ZNF383: variants seen among roughly 807,000 people sequenced by gnomAD.
ZNF383 encodes the protein zinc finger protein 383.
ZNF383 carries 32 observed loss-of-function variants against 44.2 expected under a neutral mutation model. The ratio of observed to expected loss-of-function variants is 0.72; its 90% CI spans 0.55 to 0.97. The LOEUF is 0.97. Among genes scored for constraint, ZNF383 ranks in the 50% least tolerant of loss-of-function variants. The pLI is 0.00. For missense variants in ZNF383, 487 were observed against 562.5 expected (o/e 0.87, Z 1.36); for synonymous variants, 155 against 186.2 (o/e 0.83, Z 1.36).
At chr19:37,241,341 A>T (rs1202378218) in intron 5 of ZNF383, among the ~76,000 whole-genome samples, 1 of 152,186 alleles carries the variant, frequency 6.6e-6, no homozygotes, top group African/African-American at 2.4e-5. Flanking sequence ...TCTCAGGTTC[A>T]ATAATTTGTT....
At chr19:37,229,979 A>C (rs186831371) in intron 2 of ZNF383, among the ~76,000 whole-genome samples, 2 of 151,668 alleles carry the variant, frequency 1.3e-5, no homozygotes, top group Admixed American at 6.6e-5. Flanking sequence ...ATCTGAGTGC[A>C]CTGTGTTCCT....
chr19:37,237,745 G>C (rs1459767899), intron 5 of ZNF383, among the ~76,000 whole-genome samples: 1 of 152,122 alleles, frequency 6.6e-6, no homozygotes, highest in Non-Finnish European at 1.5e-5. Flanking sequence ...GAAGGCAGTA[G>C]GGCAAGAGAG....
At chr19:37,223,172 T>A (rs1599780183) in intron 1 of ZNF383, among the ~76,000 whole-genome samples, 1 of 152,206 alleles carries the variant, frequency 6.6e-6, no homozygotes, top group East Asian at 1.9e-4. Context: ...AATAAAGCTA[T>A]ATGGTATTTG....
chr19:37,234,655 G>C (rs1973687795), intron 3 of ZNF383, among the ~76,000 whole-genome samples: 1 of 152,112 alleles, frequency 6.6e-6, no homozygotes, highest in African/African-American at 2.4e-5. Flanking sequence ...CTCCCAAAAT[G>C]CTGGGATTAC....
At chr19:37,231,194 A>G (rs887861667) in intron 3 of ZNF383, among the ~76,000 whole-genome samples, 1 of 152,192 alleles carries the variant, frequency 6.6e-6, no homozygotes, top group South Asian at 2.1e-4. Flanking sequence ...TAATATCTGT[A>G]TTGTAGAAAA....
At position 37,235,626 on chromosome 19, in the gene ZNF383, C is replaced by CT; in HGVS notation, c.89dup (p.Leu30PhefsTer22). 6.2e-7 allele frequency: 1 copy of CT among 1,613,792 alleles called. No individual in the cohort carries two copies. The highest frequency in any genetic ancestry group is 1.7e-4 in the Middle Eastern group (1 of 6,060). On this transcript the variant is annotated frameshift_variant, in exon 4 of 6. Coordinates refer to ENST00000684119, the MANE Select transcript of ZNF383 (RefSeq NM_001387601.1). LOFTEE classifies it high-confidence loss of function. ...ACTGCCTGGACCCTGTTCAGAGGGACTTATACAGAGATGTGATGTTGGAGA... is the reference window on the plus strand; with the variant it reads ...ACTGCCTGGACCCTGTTCAGAGGGACTTTATACAGAGATGTGATGTTGGAGA...
chr19:37,241,968 C>A (rs1974105693), intron 5 of ZNF383, among the ~76,000 whole-genome samples: 1 of 138,766 alleles, frequency 7.2e-6, no homozygotes, highest in East Asian at 2.1e-4. Flanking sequence ...TATATATATA[C>A]TATATAGTAT....
chr19:37,232,130 C>A (rs1345598166), intron 3 of ZNF383, among the ~76,000 whole-genome samples: 1 of 150,750 alleles, frequency 6.6e-6, no homozygotes, highest in South Asian at 2.1e-4. Context: ...GGCTAGAGTG[C>A]AGTGGCACGA....
chr19:37,235,401 C>T, intron 3 of ZNF383, 148 bp from the exon 4 acceptor site: 1 of 755,802 alleles, frequency 1.3e-6, no homozygotes, highest in South Asian at 1.9e-5. Flanking sequence ...AAACTTCCTA[C>T]TCTTGCATCT....
At chr19:37,222,406 C>T (rs1187533109) in intron 1 of ZNF383, among the ~76,000 whole-genome samples, 4 of 151,862 alleles carry the variant, frequency 2.6e-5, no homozygotes, top group Non-Finnish European at 4.4e-5. Flanking sequence ...GAGACAGTTT[C>T]GCTCTTGTTG....
intron 2 of ZNF383, among the ~76,000 whole-genome samples, chr19:37,230,092 G>A (rs1008164728): frequency 2.0e-5 from 3 of 151,912 alleles, no homozygotes; most frequent in Non-Finnish European, 4.4e-5. Context: ...TTAGCTCAGG[G>A]CAGACCATAA....
intron 1 of ZNF383, among the ~76,000 whole-genome samples, chr19:37,223,504 C>G (rs1195890635): frequency 6.6e-6 from 1 of 151,630 alleles, no homozygotes; most frequent in Non-Finnish European, 1.5e-5. Flanking sequence ...TTTAGGCCAC[C>G]CTGGGCAATA....
intron 4 of ZNF383, 98 bp from the exon 5 acceptor site, chr19:37,235,881 G>T: frequency 8.0e-7 from 1 of 1,244,420 alleles, no homozygotes; most frequent in Non-Finnish European, 1.1e-6. Context: ...ATCTTTCTTT[G>T]GCTGTTCCTG....
chr19:37,237,315 A>G (rs538644340), intron 5 of ZNF383, among the ~76,000 whole-genome samples: 1 of 152,296 alleles, frequency 6.6e-6, no homozygotes, highest in East Asian at 1.9e-4. Context: ...CTATTGAAGT[A>G]GTAGGTGGAG....
chr19:37,235,574 C>T lies in ZNF383; in HGVS notation c.35C>T (p.Ser12Phe), dbSNP rs751222903. Reference protein sequence around the residue: ...AEGSVMFSDVSIDFSQEEWDC... With the variant: ...AEGSVMFSDVFIDFSQEEWDC... ...GGATCAGTGATGTTCAGTGATGTGT[C>T]CATAGACTTCTCTCAGGAGGAGTGG... The change falls in exon 4 of 6, where the codon TCC (serine) becomes TTC (phenylalanine). Residue 12 changes from serine (S) to phenylalanine (F), a missense_variant. Transcript: ENST00000684119. 22 of 1,613,844 alleles carry T rather than the reference C, an allele frequency of 1.4e-5. No individual in the cohort carries two copies. In the South Asian group the frequency reaches 2.3e-4, roughly 17 times the overall value.
chr19:37,242,040 A>ACTAT (rs1974115730), intron 5 of ZNF383, among the ~76,000 whole-genome samples: 1 of 2,216 alleles, frequency 4.5e-4, no homozygotes, highest in African/African-American at 1.8e-3. Context: ...TACTATATAT[A>ACTAT]GTATAGATAC....
At position 37,220,597 on chromosome 19, in the gene ZNF383, G is replaced by A. The variant is rs968732232; in HGVS notation, c.-168+2323G>A. 7.5e-5 allele frequency among the ~76,000 whole-genome samples: 11 copies of A among 146,418 alleles called. No individual in the cohort carries two copies. The East Asian group carries it at 1.6e-3, about 21-fold the overall frequency. On this transcript the variant is annotated intron_variant, in intron 1 of 5. Coordinates refer to ENST00000684119, the MANE Select transcript of ZNF383 (RefSeq NM_001387601.1). ...TTGTTGTTTAATCCCTTTATATTAC[G>A]TAATACAGAAAAATAGTTAAAATAT...
intron 2 of ZNF383, among the ~76,000 whole-genome samples, chr19:37,229,314 A>G (rs986836035): frequency 2.7e-5 from 4 of 148,032 alleles, no homozygotes; most frequent in Non-Finnish European, 4.5e-5. Flanking sequence ...GTCACCATGC[A>G]TGGCTAATTT....
rs1487235321 is a variant in ZNF383, at chr19:37,248,108, C to A, written c.*4444C>A. 1 of 152,106 alleles carries A rather than the reference C, an allele frequency of 6.6e-6. No homozygotes were observed. Among genetic ancestry groups the A allele is most frequent in the Non-Finnish European group, 1.5e-5 (1 of 68,024 alleles). 9.4% of individuals were successfully genotyped at this position (152,106 alleles called of 1,614,324 possible). A position where few individuals can be genotyped will look rare whatever the true frequency, so the allele number is the denominator to read the frequency against. ...CGGGGATCATGCCATTGCACTCCAG[C>A]CTGGGCAACAAGAGTGAAACTCTCT... is the stretch of plus-strand genomic sequence containing the variant. On this transcript the variant is annotated 3_prime_UTR_variant, in exon 6 of 6. Transcript: ENST00000684119.
Sources: allele counts gnomAD v4.1 joint callset (sites outside exome capture counted in the v4.1 genomes callset), GRCh38; gene constraint gnomAD v4.1.1; transcripts MANE v1.5; gene names NCBI Gene and HGNC (gene_info 2026-07-23, HGNC 2026-07-21).